Variants in THSD7B observed in about 807,000 individuals in gnomAD.
THSD7B encodes the protein thrombospondin type-1 domain-containing protein 7B.
In THSD7B, 138 loss-of-function variants were observed where a neutral mutation model predicts 213.6. The ratio of observed to expected loss-of-function variants is 0.65; its 90% CI spans 0.56 to 0.74. The LOEUF is 0.74. THSD7B is among the 30% of genes least tolerant of loss of function. THSD7B has a pLI of 0.00. For synonymous variants in THSD7B, 742 were observed against 687.0 expected (o/e 1.08, Z -1.25); for missense variants, 1,931 against 1,991.5 (o/e 0.97, Z 0.58).
chr2:137,608,232 GC>G (rs1254868052), intron 17 of THSD7B, among the ~76,000 whole-genome samples: 1 of 152,012 alleles, frequency 6.6e-6, no homozygotes, highest in African/African-American at 2.4e-5. Context: ...GATTTATCTT[GC>G]TTTTTGATTA....
At chr2:137,269,578 A>C (rs547289219) in intron 10 of THSD7B, among the ~76,000 whole-genome samples, 2 of 152,344 alleles carry the variant, frequency 1.3e-5, no homozygotes, top group East Asian at 3.9e-4. Context: ...ACACATACAC[A>C]CAAACCCACA....
chr2:136,987,369 A>G (rs1157551838), intron 2 of THSD7B, among the ~76,000 whole-genome samples: 1 of 152,188 alleles, frequency 6.6e-6, no homozygotes, highest in Non-Finnish European at 1.5e-5. Flanking sequence ...GCCTTGATGA[A>G]TGGAATACTT....
At chr2:136,905,214 C>A (rs1454994581) in intron 2 of THSD7B, among the ~76,000 whole-genome samples, 2 of 152,130 alleles carry the variant, frequency 1.3e-5, no homozygotes, top group African/African-American at 4.8e-5. Flanking sequence ...GTAGTGAAAT[C>A]CTACCCAACT....
intron 25 of THSD7B, among the ~76,000 whole-genome samples, chr2:137,661,785 T>A (rs1209698147): frequency 6.6e-6 from 1 of 152,134 alleles, no homozygotes; most frequent in Non-Finnish European, 1.5e-5. Flanking sequence ...TCTCCCCCGA[T>A]TCTTCCCTTA....
intron 15 of THSD7B, among the ~76,000 whole-genome samples, chr2:137,523,723 G>T (rs1183034497): frequency 6.6e-6 from 1 of 152,128 alleles, no homozygotes; most frequent in Non-Finnish European, 1.5e-5. Flanking sequence ...AGCTGGTCAT[G>T]GTTACTCCAC....
intron 15 of THSD7B, among the ~76,000 whole-genome samples, chr2:137,468,066 C>A (rs1573642724): frequency 6.6e-6 from 1 of 152,272 alleles, no homozygotes; most frequent in East Asian, 1.9e-4. Context: ...CTATAGATTT[C>A]TCCAGAATGT....
chr2:137,061,424 A>G (rs1687268087), intron 3 of THSD7B, among the ~76,000 whole-genome samples: 1 of 109,216 alleles, frequency 9.2e-6, no homozygotes, highest in Admixed American at 8.7e-5. Flanking sequence ...GAGAAAGGAC[A>G]TTCTTTTTTT....
rs1687574036 is a variant in THSD7B at position 137,074,504 on chromosome 2, A to T, written c.950+17274A>T. 3.9e-5 allele frequency among the ~76,000 whole-genome samples: 6 copies of T among 152,118 alleles called. No homozygotes were observed. In the South Asian group the frequency reaches 1.2e-3, roughly 32 times the overall value. On this transcript the variant is annotated intron_variant, in intron 3 of 27. Coordinates refer to ENST00000409968, the MANE Select transcript of THSD7B (RefSeq NM_001316349.2). ...CCCTGCATGTGAGATGGGTTTCCTG[A>T]ATAGAGCACACTGATGGGTCTTGAC...
intron 2 of THSD7B, among the ~76,000 whole-genome samples, chr2:136,930,488 A>C (rs1684608514): frequency 6.6e-6 from 1 of 152,226 alleles, no homozygotes; most frequent in South Asian, 2.1e-4. Context: ...TTTGATCTCT[A>C]TGACAGGCCA....
At chr2:137,004,296 T>TACACACACAC (rs34674642) in intron 2 of THSD7B, among the ~76,000 whole-genome samples, 32 of 131,488 alleles carry the variant, frequency 2.4e-4, no homozygotes, top group African/African-American at 3.8e-4. Context: ...TGTGCACACG[T>TACACACACAC]ACACACACAC....
At chr2:137,017,610 T>C (rs1686366398) in intron 2 of THSD7B, among the ~76,000 whole-genome samples, 1 of 152,134 alleles carries the variant, frequency 6.6e-6, no homozygotes, top group Admixed American at 6.6e-5. Flanking sequence ...CAAGCCAAAC[T>C]GAGAATGTTA....
At chr2:137,138,313 C>T (rs1679510515) in intron 5 of THSD7B, among the ~76,000 whole-genome samples, 1 of 152,050 alleles carries the variant, frequency 6.6e-6, no homozygotes, top group South Asian at 2.1e-4. Context: ...ATCAAAAAAT[C>T]CAAATAGATT....
intron 1 of THSD7B, 23 bp from the exon 2 acceptor site, chr2:136,882,121 T>A (rs1683635447): frequency 2.1e-6 from 3 of 1,418,584 alleles, no homozygotes; most frequent in Non-Finnish European, 2.8e-6. Flanking sequence ...GAAACTTACC[T>A]GATTTTTCTT....
intron 1 of THSD7B, among the ~76,000 whole-genome samples, chr2:136,767,919 T>A (rs1374961593): frequency 6.6e-6 from 1 of 152,104 alleles, no homozygotes; most frequent in Non-Finnish European, 1.5e-5. Context: ...TTCTGGCCCA[T>A]TGTTTTCCAT....
intron 1 of THSD7B, among the ~76,000 whole-genome samples, chr2:136,834,147 C>T (rs569650680): frequency 1.2e-3 from 190 of 152,306 alleles, no homozygotes; most frequent in Middle Eastern, 3.4e-3. Context: ...GCTGAAACTT[C>T]TCACAATCCA....
At chr2:137,467,456 A>G (rs1260050801) in intron 15 of THSD7B, among the ~76,000 whole-genome samples, 1 of 152,160 alleles carries the variant, frequency 6.6e-6, no homozygotes, top group Non-Finnish European at 1.5e-5. Flanking sequence ...AACAGCTGCC[A>G]GATGAGGGCA....
At chr2:137,577,065 A>G (rs1233200659) in intron 17 of THSD7B, among the ~76,000 whole-genome samples, 1 of 151,914 alleles carries the variant, frequency 6.6e-6, no homozygotes, top group Non-Finnish European at 1.5e-5. Flanking sequence ...CATACTACCT[A>G]GTTCTTTTCT....
chr2:137,036,454 A>C (rs1686778026), intron 2 of THSD7B, among the ~76,000 whole-genome samples: 1 of 152,204 alleles, frequency 6.6e-6, no homozygotes, highest in South Asian at 2.1e-4. Flanking sequence ...AATGAAGGAA[A>C]TATATTATCA....
At chr2:137,138,000 G>A (rs1679502180) in intron 5 of THSD7B, among the ~76,000 whole-genome samples, 1 of 152,066 alleles carries the variant, frequency 6.6e-6, no homozygotes, top group Admixed American at 6.6e-5. Context: ...CCAGGCTCAA[G>A]TAATCCTCCC....
Sources: allele counts gnomAD v4.1 joint callset (sites outside exome capture counted in the v4.1 genomes callset), GRCh38; gene constraint gnomAD v4.1.1; transcripts MANE v1.5; gene names NCBI Gene and HGNC (gene_info 2026-07-23, HGNC 2026-07-21).